Variants in BDP1 observed in about 807,000 individuals in gnomAD.
BDP1 encodes the protein BDP1 general transcription factor IIIB subunit, also known as transcription factor TFIIIB component B'' homolog.
Under a neutral mutation model 266.6 loss-of-function variants are expected in BDP1, and 169 were observed. The ratio of observed to expected loss-of-function variants is 0.63; its 90% CI spans 0.56 to 0.72. The LOEUF is 0.72. BDP1 is among the 30% of genes least tolerant of loss of function. The pLI, the probability that BDP1 is intolerant of heterozygous loss-of-function variation, is 0.00. For missense variants in BDP1, 3,015 were observed against 3,053.8 expected, an observed-to-expected ratio of 0.99 and a Z score of 0.30; for synonymous variants, 1,090 against 1,022.4, an observed-to-expected ratio of 1.07 and a Z score of -1.26.
intron 7 of BDP1, among the ~76,000 whole-genome samples, chr5:71,479,799 G>A (rs1197694178): frequency 1.3e-5 from 2 of 152,138 alleles, no homozygotes; most frequent in Non-Finnish European, 2.9e-5. Context: ...GCCTGCCTCG[G>A]CCTCCCAAAG....
In BDP1 at chr5:71,501,648, A is replaced by G. The variant is rs754372768; in HGVS notation, c.2043A>G (p.Val681=). ...GAGAGAATCCAGAAGCTGAAACTGT[A>G]TCTGTGTGAGTATTCAGGAAGTAGT... The part of the protein sequence containing the change: ...TERENPEAET[V]SVLGEKNCLQ... The change falls in exon 14 of 39, where the codon GTA becomes GTG. Residue 681 remains valine (V), a synonymous_variant. Transcript: ENST00000358731. 8.0e-7 allele frequency: 1 copy of G among 1,247,400 alleles called. No individual in the cohort carries two copies. Among genetic ancestry groups the G allele is most frequent in the Non-Finnish European group, 1.2e-6 (1 of 857,416 alleles). 77.3% of individuals were successfully genotyped at this position (1,247,400 alleles called of 1,614,324 possible).
chr5:71,465,988 G>A (rs1761883603), intron 4 of BDP1, 108 bp from the exon 5 acceptor site: 1 of 1,192,462 alleles, frequency 8.4e-7, no homozygotes, highest in South Asian at 1.7e-5. Flanking sequence ...TATAGGGAAA[G>A]TTGGAAATAG....
In BDP1 at chr5:71,522,355, G is replaced by T; in HGVS notation, c.5058G>T (p.Lys1686Asn). The change falls in exon 23 of 39, where the codon AAG becomes AAT. Residue 1686 changes from lysine to asparagine, a missense_variant. Lys to Asn is a moderately conservative substitution (Grantham distance 94). Around this residue, in one of 3 missense-constraint regions of BDP1, gnomAD observed 2,383 missense variants for 2,404.9 expected, o/e 0.99. Coordinates refer to ENST00000358731, the MANE Select transcript of BDP1 (RefSeq NM_018429.3). The stretch of plus-strand genomic sequence containing the variant: ...CAAGAAGGAAATTCCAAAAGGCTAA[G>T]CCAAATTTGGGAAGAGCACACAGTA... ...QMTRRKFQKA[K>N]PNLGRAHSKK... 8 of 1,613,902 alleles carry T rather than the reference G, an allele frequency of 5.0e-6. No individual in the cohort carries two copies. The highest frequency in any genetic ancestry group is 6.8e-6 in the Non-Finnish European group (8 of 1,179,920).
rs753057278 is a variant in BDP1 at position 71,524,229 on chromosome 5, C to G, written c.5678C>G (p.Ala1893Gly). 2 of 1,614,154 alleles carry G rather than the reference C, an allele frequency of 1.2e-6. No homozygotes were observed. Among genetic ancestry groups the G allele is most frequent in the Non-Finnish European group, 1.7e-6 (2 of 1,180,004 alleles). Residue 1893 changes from alanine (A) to glycine (G), a missense_variant, in exon 25 of 39, where the codon GCT becomes GGT. Ala to Gly is a moderately conservative substitution (Grantham distance 60, BLOSUM62 0). Transcript: ENST00000358731. Reference sequence around the variant, plus strand: ...TATGAGGAAGAAAGCTATCATCTTGCTCCCGAAGAAGTAAACAAAGCTCCA... The same window carrying G: ...TATGAGGAAGAAAGCTATCATCTTGGTCCCGAAGAAGTAAACAAAGCTCCA... ...SDYEEESYHL[A>G]PEEVNKAPVF...
intron 4 of BDP1, 51 bp from the exon 5 acceptor site, chr5:71,466,045 T>A (rs771711112): frequency 1.3e-6 from 2 of 1,589,236 alleles, no homozygotes; most frequent in Non-Finnish European, 1.7e-6. Context: ...TTATACTATT[T>A]AGGCACACTT....
intron 15 of BDP1, among the ~76,000 whole-genome samples, chr5:71,504,289 A>G (rs1380881823): frequency 8.8e-5 from 13 of 148,514 alleles, no homozygotes; most frequent in African/African-American, 2.7e-4. Flanking sequence ...AAAAAAAAAG[A>G]AAAAAAAATT....
In BDP1 at chr5:71,531,949, A is replaced by G. The variant is rs1766273411; in HGVS notation, c.5773-359A>G. 2.0e-5 allele frequency among the ~76,000 whole-genome samples: 3 copies of G among 152,184 alleles called. No homozygotes were observed. The South Asian group carries it at 6.2e-4, about 32-fold the overall frequency. On this transcript the variant is annotated intron_variant, in intron 25 of 38. Transcript: ENST00000358731. ...CTACACTTATCTTATTTGACTTTAT[A>G]TCCCTGTACACCTAGCCTTCTATAA...
intron 16 of BDP1, among the ~76,000 whole-genome samples, chr5:71,508,034 G>A (rs1214589094): frequency 6.6e-6 from 1 of 152,128 alleles, no homozygotes; most frequent in African/African-American, 2.4e-5. Context: ...GCATGATCTT[G>A]GCTCACTGCA....
At chr5:71,491,190 T>A (rs1043944891) in intron 11 of BDP1, 59 bp downstream of exon 11, 1 of 1,502,080 alleles carries the variant, frequency 6.7e-7, no homozygotes, top group Non-Finnish European at 9.2e-7. Flanking sequence ...GAAAGGAGTG[T>A]TGAAGTCTCC....
chr5:71,515,901 T>C (rs577175489), intron 20 of BDP1, among the ~76,000 whole-genome samples, 160 bp from the exon 21 acceptor site: 7 of 152,364 alleles, frequency 4.6e-5, no homozygotes, highest in African/African-American at 1.7e-4. Context: ...TGTTTTCTTT[T>C]GTAAAATAAG....
chr5:71,512,437 G>A lies in BDP1; in HGVS notation c.4247+9G>A, dbSNP rs1764980377. On this transcript the variant is annotated intron_variant, in intron 18 of 38. Coordinates refer to ENST00000358731, the MANE Select transcript of BDP1 (RefSeq NM_018429.3). ...TCAGATATTAATTTAAGGTACAAGT[G>A]TGTTTTTAAAGAAAAAGATATTAAG... 2.7e-6 allele frequency: 4 copies of A among 1,492,876 alleles called. No individual in the cohort carries two copies. The highest frequency in any genetic ancestry group is 2.5e-5 in the Admixed American group (1 of 40,122). The allele number at this position is 1,492,876 out of a possible 1,614,324, so 92.5% of individuals were successfully genotyped here.
At chr5:71,456,130 T>G in intron 1 of BDP1, 41 bp downstream of exon 1, 1 of 1,566,048 alleles carries the variant, frequency 6.4e-7, no homozygotes, top group Non-Finnish European at 8.7e-7. Flanking sequence ...TTGTCCCGCC[T>G]CTCCGGGCAT....
At chr5:71,462,216 G>A (rs1255096066) in intron 3 of BDP1, among the ~76,000 whole-genome samples, 1 of 152,034 alleles carries the variant, frequency 6.6e-6, no homozygotes, top group Non-Finnish European at 1.5e-5. Context: ...ACCCGCTTCG[G>A]CTTTCCAAAG....
At chr5:71,463,650 C>T (rs917872189) in intron 3 of BDP1, among the ~76,000 whole-genome samples, 6 of 151,586 alleles carry the variant, frequency 4.0e-5, no homozygotes, top group East Asian at 1.9e-4. Context: ...GGTGAGACCT[C>T]GTCTCTACAA....
intron 13 of BDP1, among the ~76,000 whole-genome samples, chr5:71,499,628 A>T: frequency 6.6e-6 from 1 of 152,194 alleles, no homozygotes; most frequent in South Asian, 2.1e-4. Context: ...TCAAAAAAAT[A>T]AAAAATTAAA....
rs147692978 is a variant in BDP1 at position 71,545,076 on chromosome 5, A to G, written c.6601A>G (p.Met2201Val). The G allele has an allele frequency of 1.0e-3, 1,693 of 1,613,604 alleles. 22 individuals are homozygous for G. The African/African-American group carries it at 0.02, about 19-fold the overall frequency. The change falls in exon 32 of 39, where the codon ATG becomes GTG. Residue 2201 changes from methionine to valine, a missense_variant. Met to Val is a conservative substitution (Grantham distance 21, BLOSUM62 1). Around this residue, in one of 3 missense-constraint regions of BDP1, gnomAD observed 629 missense variants for 632.5 expected, o/e 0.99. Transcript: ENST00000358731. ...NQEESSQEVHMLSVAPVASSE... is the reference protein window; with the variant it reads ...NQEESSQEVHVLSVAPVASSE... ...AGAAGAGAGCTCTCAGGAGGTTCACATGTTGTCAGTTGCTCCAGTTGCTTC... is the reference window on the plus strand; with the variant it reads ...AGAAGAGAGCTCTCAGGAGGTTCACGTGTTGTCAGTTGCTCCAGTTGCTTC...
At position 71,566,575 on chromosome 5, in the gene BDP1, T is replaced by G. The variant is rs754002767; in HGVS notation, c.*1690T>G. ...CAGGCATTGGAAACTTTCTGCAAAC[T>G]GTTTTGGGTTTGCAGGCCAGATGGT... On this transcript the variant is annotated 3_prime_UTR_variant, in exon 39 of 39. Coordinates refer to ENST00000358731, the MANE Select transcript of BDP1 (RefSeq NM_018429.3). 2.0e-5 allele frequency: 3 copies of G among 152,174 alleles called. No individual in the cohort carries two copies. Among genetic ancestry groups the G allele is most frequent in the Non-Finnish European group, 4.4e-5 (3 of 68,030 alleles). 9.4% of individuals were successfully genotyped at this position (152,174 alleles called of 1,614,324 possible). A position where few individuals can be genotyped will look rare whatever the true frequency, so the allele number is the denominator to read the frequency against.
chr5:71,524,153 C>T lies in BDP1; in HGVS notation c.5602C>T (p.Leu1868Phe). ...AGCTTCCAAGGCCATGCTGGTGACT[C>T]TTCGGGCTTCCCAGGAAGAAGATGA... ...PRASKAMLVT[L>F]RASQEEDDDA... Residue 1868 changes from leucine to phenylalanine, a missense_variant, in exon 25 of 39, where the codon CTT becomes TTT. This residue lies in a region of BDP1 where 2,383 missense variants were observed against 2,404.9 expected (regional missense o/e 0.99). Transcript: ENST00000358731. 1 of 1,614,162 alleles carries T rather than the reference C, an allele frequency of 6.2e-7. No individual in the cohort carries two copies. The highest frequency in any genetic ancestry group is 8.5e-7 in the Non-Finnish European group (1 of 1,180,028).
rs116530632 is a variant in BDP1, at chr5:71,565,662, G to A, written c.*777G>A. On this transcript the variant is annotated 3_prime_UTR_variant, in exon 39 of 39. Transcript: ENST00000358731. ...CTCAGTGTTTGTAAGTACACTCTGC[G>A]TTGTTTCACACAAGATCACCTAACA... 3,859 of 153,346 alleles carry A rather than the reference G, an allele frequency of 0.025. 74 individuals carry two copies. Among genetic ancestry groups the A allele is most frequent in the South Asian group, 0.075 (370 of 4,954 alleles). 9.5% of individuals were successfully genotyped at this position (153,346 alleles called of 1,614,324 possible).
Sources: gnomAD v4.1 joint callset for allele counts (sites outside exome capture counted in the v4.1 genomes callset) on GRCh38, gnomAD v4.1.1 for gene constraint, gnomAD v4.1.1 regional missense constraint, MANE v1.5 for transcripts, NCBI Gene and HGNC (gene_info 2026-07-23, HGNC 2026-07-21) for gene names.